ERC2: variants seen among roughly 807,000 people sequenced by gnomAD.
ERC2 encodes the protein ELKS/RAB6-interacting/CAST family member 2.
A neutral mutation model predicts 114.8 loss-of-function variants in ERC2; 42 were observed. The observed-to-expected ratio is 0.37, with a 90% confidence interval of 0.29 to 0.47. The LOEUF (loss-of-function observed/expected upper bound fraction) is 0.47, where lower values mean the gene tolerates loss of function less well. Among genes scored for constraint, ERC2 ranks in the 20% least tolerant of loss-of-function variants. ERC2 has a pLI of 0.99. For missense variants in ERC2, 939 were observed against 1,150.7 expected, an observed-to-expected ratio of 0.82 and a Z score of 2.66; for synonymous variants, 454 against 425.5, an observed-to-expected ratio of 1.07 and a Z score of -0.82.
At chr3:56,431,507 C>A (rs1372881379) in intron 2 of ERC2, among the ~76,000 whole-genome samples, 1 of 152,136 alleles carries the variant, frequency 6.6e-6, no homozygotes, top group Non-Finnish European at 1.5e-5. Context: ...CACAGAGTCA[C>A]CTGACCTGCT....
intron 13 of ERC2, among the ~76,000 whole-genome samples, chr3:55,932,316 G>C (rs1369907318): frequency 3.3e-5 from 5 of 152,098 alleles, no homozygotes; most frequent in Non-Finnish European, 7.4e-5. Context: ...CTTTAAAGCA[G>C]ATGAAGGCAA....
chr3:56,298,714 G>A (rs1472334218), intron 2 of ERC2, among the ~76,000 whole-genome samples: 1 of 146,558 alleles, frequency 6.8e-6, no homozygotes, highest in Non-Finnish European at 1.5e-5. Flanking sequence ...TGGAGTAAAT[G>A]GGGGGACTCT....
chr3:56,040,041 C>T (rs1043739022), intron 7 of ERC2, among the ~76,000 whole-genome samples: 10 of 151,914 alleles, frequency 6.6e-5, no homozygotes, highest in African/African-American at 2.4e-4. Context: ...GCAAAACTGC[C>T]CAAAGAAAAC....
intron 1 of ERC2, among the ~76,000 whole-genome samples, chr3:56,446,746 C>T (rs1296244665): frequency 6.6e-6 from 1 of 151,222 alleles, no homozygotes; most frequent in African/African-American, 2.4e-5. Context: ...CTGCCTCAGC[C>T]TCCCGAGTAG....
intron 6 of ERC2, among the ~76,000 whole-genome samples, chr3:56,084,022 A>G (rs2077376568): frequency 6.6e-6 from 1 of 152,188 alleles, no homozygotes; most frequent in African/African-American, 2.4e-5. Flanking sequence ...AAGAAAAAAA[A>G]AGAATAAAGA....
chr3:55,962,955 C>T (rs1011688464), intron 12 of ERC2, among the ~76,000 whole-genome samples: 2 of 152,220 alleles, frequency 1.3e-5, no homozygotes, highest in African/African-American at 2.4e-5. Context: ...TCAAGACACA[C>T]CACTCCAAAC....
intron 14 of ERC2, among the ~76,000 whole-genome samples, chr3:55,785,530 T>C (rs1339888133): frequency 1.3e-5 from 2 of 152,192 alleles, no homozygotes; most frequent in African/African-American, 4.8e-5. Flanking sequence ...AACTCTCCAA[T>C]GCCCTGCATT....
At chr3:55,698,725 T>A (rs1296287326) in intron 16 of ERC2, among the ~76,000 whole-genome samples, 2 of 152,250 alleles carry the variant, frequency 1.3e-5, no homozygotes, top group Non-Finnish European at 1.5e-5. Flanking sequence ...CTAATTTCCA[T>A]AAAATTCACC....
chr3:55,907,490 T>C (rs947402187), intron 13 of ERC2, among the ~76,000 whole-genome samples: 3 of 152,220 alleles, frequency 2.0e-5, no homozygotes, highest in Non-Finnish European at 4.4e-5. Context: ...ATTAGCATTA[T>C]TGCTTAATTG....
At chr3:55,913,727 A>C (rs1396554081) in intron 13 of ERC2, among the ~76,000 whole-genome samples, 1 of 152,198 alleles carries the variant, frequency 6.6e-6, no homozygotes. Context: ...AAGACTTGAC[A>C]CTACTGTCCA....
chr3:56,014,163 T>C (rs1480044676), intron 8 of ERC2, among the ~76,000 whole-genome samples: 1 of 152,166 alleles, frequency 6.6e-6, no homozygotes, highest in Non-Finnish European at 1.5e-5. Flanking sequence ...AGCTGGTACA[T>C]AGAGCTCTTT....
At chr3:55,816,465 A>C (rs1422872913) in intron 14 of ERC2, among the ~76,000 whole-genome samples, 2 of 152,220 alleles carry the variant, frequency 1.3e-5, no homozygotes, top group African/African-American at 2.4e-5. Context: ...CATAGATACA[A>C]AGCATTATTC....
intron 12 of ERC2, among the ~76,000 whole-genome samples, chr3:55,973,753 G>A (rs2069355296): frequency 6.6e-6 from 1 of 152,102 alleles, no homozygotes; most frequent in African/African-American, 2.4e-5. Flanking sequence ...AAATGAGAGT[G>A]CAGTTTTCCA....
At chr3:56,129,345 C>T (rs1445513306) in intron 6 of ERC2, among the ~76,000 whole-genome samples, 2 of 152,126 alleles carry the variant, frequency 1.3e-5, no homozygotes, top group Admixed American at 6.6e-5. Context: ...GTGTGACAAA[C>T]GTGGATCCAG....
chr3:56,390,181 T>C (rs1010930162), intron 2 of ERC2, among the ~76,000 whole-genome samples: 5 of 152,118 alleles, frequency 3.3e-5, no homozygotes, highest in African/African-American at 1.2e-4. Flanking sequence ...TTTAATTAGC[T>C]TTTCCATCAG....
In ERC2 at chr3:55,886,646, A is replaced by C. The variant is rs2063359749; in HGVS notation, c.2564+1743T>G. ...ACTATATTTTTGGTGTTTCTCAGCTAAGTGTTTACACATATATTGACATTT... is the reference window on the plus strand; with the variant it reads ...ACTATATTTTTGGTGTTTCTCAGCTCAGTGTTTACACATATATTGACATTT... On this transcript the variant is annotated intron_variant, in intron 14 of 17. Coordinates refer to ENST00000288221, the MANE Select transcript of ERC2 (RefSeq NM_015576.3). 2.0e-5 allele frequency among the ~76,000 whole-genome samples: 3 copies of C among 152,170 alleles called. No homozygotes were observed. The South Asian group carries it at 6.2e-4, about 32-fold the overall frequency.
At chr3:56,248,457 G>A (rs562896836) in intron 3 of ERC2, among the ~76,000 whole-genome samples, 8 of 152,102 alleles carry the variant, frequency 5.3e-5, no homozygotes, top group East Asian at 3.9e-4. Flanking sequence ...TATGCTGCAC[G>A]GTCTTCCTAT....
At chr3:55,680,367 A>C (rs2061999784) in intron 17 of ERC2, among the ~76,000 whole-genome samples, 1 of 152,210 alleles carries the variant, frequency 6.6e-6, no homozygotes, top group African/African-American at 2.4e-5. Flanking sequence ...ACTAAATCTC[A>C]CAAGGTGCCT....
chr3:55,880,790 C>CAAAAAAAAA (rs200308050), intron 14 of ERC2, among the ~76,000 whole-genome samples: 1 of 124,398 alleles, frequency 8.0e-6, no homozygotes. Flanking sequence ...AGTATTATAG[C>CAAAAAAAAA]AAAAAAAAAA....
Sources: gnomAD v4.1 joint callset for allele counts (sites outside exome capture counted in the v4.1 genomes callset) on GRCh38, gnomAD v4.1.1 for gene constraint, MANE v1.5 for transcripts, NCBI Gene and HGNC (gene_info 2026-07-23, HGNC 2026-07-21) for gene names.